The following DDX60 variants were observed in gnomAD, a reference collection of about 807,000 sequenced individuals.
DDX60 encodes DExD/H-box helicase 60.
A neutral mutation model predicts 212.8 loss-of-function variants in DDX60; 165 were observed. That is an observed-to-expected ratio of 0.78 (90% CI 0.68 to 0.88). DDX60 has a LOEUF of 0.88. Among genes scored for constraint, DDX60 ranks in the 40% least tolerant of loss-of-function variants. The pLI, the probability that DDX60 is intolerant of heterozygous loss-of-function variation, is 0.00. For synonymous variants in DDX60, 703 were observed against 685.3 expected (o/e 1.03, Z -0.40); for missense variants, 1,905 against 2,003.9 (o/e 0.95, Z 0.94).
At chr4:168,289,575 AT>A (rs755400250) in intron 8 of DDX60, among the ~76,000 whole-genome samples, 1 of 152,180 alleles carries the variant, frequency 6.6e-6, no homozygotes, top group East Asian at 1.9e-4. Flanking sequence ...TCTCCAGCCC[AT>A]TCCACCCTTC....
At chr4:168,220,444 C>A in intron 37 of DDX60, 1 of 397,164 alleles carries the variant, frequency 2.5e-6, no homozygotes, top group Non-Finnish European at 4.6e-6. Context: ...AACTTCATCT[C>A]AACTAGACAT....
intron 30 of DDX60, among the ~76,000 whole-genome samples, chr4:168,243,621 G>T (rs766428801): frequency 6.6e-6 from 1 of 152,214 alleles, no homozygotes; most frequent in African/African-American, 2.4e-5. Flanking sequence ...TGGTGAGGTT[G>T]CAGAGAAACA....
At position 168,267,944 on chromosome 4, in the gene DDX60, G is replaced by T. The variant is rs1734922358; in HGVS notation, c.2826C>A (p.Asp942Glu). The T allele has an allele frequency of 6.2e-7, 1 of 1,612,654 alleles. No individual in the cohort carries two copies. Among genetic ancestry groups the T allele is most frequent in the South Asian group, 1.1e-5 (1 of 90,846 alleles). Residue 942 changes from aspartate to glutamate, a missense_variant, in exon 21 of 38, where the codon GAC (aspartate) becomes GAA (glutamate). Physicochemically the swap from Asp to Glu is conservative, Grantham distance 45. Coordinates refer to ENST00000393743, the MANE Select transcript of DDX60 (RefSeq NM_017631.6). ...AAGCGGTATTATTTTCAATTATTTT[G>T]TCTTCTTGTTTCCAGTACCATTTTA... is the stretch of plus-strand genomic sequence containing the variant. Reference protein sequence around the residue: ...QSVKWYWKQEDKIIENNTASK... With the variant: ...QSVKWYWKQEEKIIENNTASK...
At chr4:168,322,830 G>A (rs921324283), upstream of DDX60, among the ~76,000 whole-genome samples, 1 of 152,238 alleles carries the variant, frequency 6.6e-6, no homozygotes, top group Non-Finnish European at 1.5e-5. Context: ...GAACTCAGGA[G>A]CAAAGTGAAA....
At chr4:168,218,241 T>C (rs990331428) in intron 37 of DDX60, among the ~76,000 whole-genome samples, 1 of 152,156 alleles carries the variant, frequency 6.6e-6, no homozygotes. Context: ...CTACTGAACA[T>C]TTCCTCCTGA....
chr4:168,239,444 T>C (rs566409732), intron 30 of DDX60, among the ~76,000 whole-genome samples: 1 of 152,026 alleles, frequency 6.6e-6, no homozygotes, highest in African/African-American at 2.4e-5. Context: ...ATATAGATGA[T>C]AGACATAAAG....
chr4:168,274,367 C>G (rs1417239037), intron 16 of DDX60, among the ~76,000 whole-genome samples: 3 of 152,120 alleles, frequency 2.0e-5, no homozygotes, highest in African/African-American at 7.2e-5. Context: ...GGTTGAGAAA[C>G]TAAGTTCTAA....
chr4:168,305,278 T>TGTGATA (rs1736826034), intron 5 of DDX60, among the ~76,000 whole-genome samples: 1 of 152,246 alleles, frequency 6.6e-6, no homozygotes, highest in African/African-American at 2.4e-5. Flanking sequence ...AATGTATCCA[T>TGTGATA]GTGATGCATG....
intron 13 of DDX60, among the ~76,000 whole-genome samples, chr4:168,282,244 G>T (rs890961095): frequency 2.0e-5 from 3 of 152,142 alleles, no homozygotes; most frequent in Non-Finnish European, 4.4e-5. Flanking sequence ...AGGCTTCACA[G>T]AACATGTGAG....
intron 8 of DDX60, among the ~76,000 whole-genome samples, chr4:168,289,153 GTTATGTC>G (rs1156674135): frequency 3.9e-5 from 6 of 152,188 alleles, no homozygotes; most frequent in African/African-American, 1.2e-4. Context: ...GAGGATCGTT[GTTATGTC>G]TAATTAAAGA....
intron 33 of DDX60, among the ~76,000 whole-genome samples, chr4:168,233,752 G>A (rs780000599): frequency 2.6e-5 from 4 of 152,024 alleles, no homozygotes; most frequent in Non-Finnish European, 4.4e-5. Context: ...CACATTGGGT[G>A]CAGTGTACAC....
chr4:168,244,238 C>A (rs551324225), intron 30 of DDX60, among the ~76,000 whole-genome samples: 1 of 151,892 alleles, frequency 6.6e-6, no homozygotes. Context: ...TGCACATGTG[C>A]CTCAGAACTT....
upstream of DDX60, among the ~76,000 whole-genome samples, chr4:168,319,082 G>A (rs1737536000): frequency 6.6e-6 from 1 of 152,138 alleles, no homozygotes; most frequent in South Asian, 2.1e-4. Context: ...AAATAGTAAA[G>A]TTTTGAGGTA....
chr4:168,252,994 G>T lies in DDX60; in HGVS notation c.3558-338C>A, dbSNP rs181016354. Reference sequence around the variant, plus strand: ...TAAATTTTGTATCTTCAGTAGAGACGGGGTTTCACCATGTTGGCCAGGCTT... The same window carrying T: ...TAAATTTTGTATCTTCAGTAGAGACTGGGTTTCACCATGTTGGCCAGGCTT... On this transcript the variant is annotated intron_variant, in intron 26 of 37. Transcript: ENST00000393743. Among the ~76,000 whole-genome samples the T allele has an allele frequency of 4.6e-3, 697 of 152,102 alleles. 4 individuals are homozygous for T. The highest frequency in any genetic ancestry group is 0.01 in the Middle Eastern group (3 of 294).
At position 168,274,006 on chromosome 4, in the gene DDX60, G is replaced by A. The variant is rs764959040; in HGVS notation, c.2382C>T (p.Ala794=). The A allele has an allele frequency of 9.3e-6, 15 of 1,614,222 alleles. No homozygotes were observed. The South Asian group carries it at 1.5e-4, about 17-fold the overall frequency. The stretch of plus-strand genomic sequence containing the variant: ...GCACTTTCTCCATACAGTAGTAGGA[G>A]GCATAGGTTTTGCCTGAGGACGTTG... ...VAPTSSGKTY[A]SYYCMEKVLK... is the part of the protein sequence containing the mutation. The change falls in exon 17 of 38, where the codon GCC becomes GCT. Residue 794 remains alanine, a synonymous_variant. Coordinates refer to ENST00000393743, the MANE Select transcript of DDX60 (RefSeq NM_017631.6).
chr4:168,285,971 AAAGAAAGAAAGAAAG>A (rs1206328830), intron 10 of DDX60, among the ~76,000 whole-genome samples: 5 of 44,152 alleles, frequency 1.1e-4, no homozygotes, highest in Admixed American at 7.8e-4. Flanking sequence ...GGAAAGAATG[AAAGAAAGAAAGAAAG>A]AAAGAAAGAA....
In DDX60 at chr4:168,302,312, AT is replaced by A; in HGVS notation, c.710del (p.Asn237IlefsTer36). On this transcript the variant is annotated frameshift_variant, in exon 6 of 38. Transcript: ENST00000393743. LOFTEE classifies it high-confidence loss of function. ...AATGTTTTGTTACCTCTTCCGTAAT[AT>A]TATTCCATTTTAAACTTCCAAAAAG... ...APLFGSLKWN[N>X]ITEEAHKTVS... The A allele has an allele frequency of 1.3e-6, 2 of 1,521,560 alleles. No homozygotes were observed. The highest frequency in any genetic ancestry group is 1.8e-6 in the Non-Finnish European group (2 of 1,118,664). 94.3% of individuals were successfully genotyped at this position (1,521,560 alleles called of 1,614,324 possible). A position where few individuals can be genotyped will look rare whatever the true frequency, so the allele number is the denominator to read the frequency against.
intron 24 of DDX60, 80 bp downstream of exon 24, chr4:168,261,920 C>A: frequency 2.1e-6 from 3 of 1,450,480 alleles, no homozygotes; most frequent in South Asian, 1.4e-5. Flanking sequence ...TAAAAAAAAT[C>A]AGAAAATGGT....
chr4:168,323,091 T>C (rs187954604), upstream of DDX60, among the ~76,000 whole-genome samples: 1 of 152,278 alleles, frequency 6.6e-6, no homozygotes, highest in East Asian at 1.9e-4. Flanking sequence ...CCCAAGAGCC[T>C]CAAAGCAGCC....
Sources: allele counts gnomAD v4.1 joint callset (sites outside exome capture counted in the v4.1 genomes callset), GRCh38; gene constraint gnomAD v4.1.1; transcripts MANE v1.5; gene names NCBI Gene and HGNC (gene_info 2026-07-23, HGNC 2026-07-21).